FRY: variants seen among roughly 807,000 people sequenced by gnomAD.
FRY encodes the protein FRY microtubule binding protein.
Under a neutral mutation model 348.4 loss-of-function variants are expected in FRY, and 128 were observed. The observed-to-expected ratio is 0.37, with a 90% CI of 0.32 to 0.43. The LOEUF (loss-of-function observed/expected upper bound fraction) is 0.43, where lower values mean the gene tolerates loss of function less well. FRY is among the 20% of genes least tolerant of loss of function. FRY has a pLI of 1.00. For missense variants in FRY, 2,736 were observed against 3,695.2 expected (o/e 0.74, Z 6.73); for synonymous variants, 1,370 against 1,374.7 (o/e 1.00, Z 0.08).
rs909376414 is a variant in FRY, at chr13:32,244,043, T to G, written c.6689T>G (p.Leu2230Arg). 1 of 1,613,900 alleles carries G rather than the reference T, an allele frequency of 6.2e-7. No individual in the cohort carries two copies. Among genetic ancestry groups the G allele is most frequent in the East Asian group, 2.2e-5 (1 of 44,882 alleles). ...TCCAGCCGCACTTTGCCCCCACAGC[T>G]GCTGGAGAAGGGCCTCCCTAGTGTG... ...TLNMVTYLAE[L>R]LEKGLPSVQQ... The change falls in exon 47 of 61, where the codon CTG (leucine) becomes CGG (arginine). Residue 2230 changes from leucine (L) to arginine (R), a missense_variant and splice_region_variant. Leu to Arg is a moderately radical substitution (Grantham distance 102). This residue lies in a region of FRY where 789 missense variants were observed against 996.2 expected (regional missense o/e 0.79). Transcript: ENST00000542859.
chr13:32,070,720 A>G (rs1445860042), intron 1 of FRY, among the ~76,000 whole-genome samples: 6 of 151,958 alleles, frequency 3.9e-5, no homozygotes, highest in Non-Finnish European at 7.4e-5. Context: ...GTTTAATTAG[A>G]TCCCATTTGT....
intron 57 of FRY, 60 bp downstream of exon 57, chr13:32,276,622 CTG>C: frequency 1.2e-6 from 1 of 869,056 alleles, no homozygotes. Context: ...CCCAACCACT[CTG>C]AGTTCTTGGG....
chr13:32,074,520 A>T (rs1874894009), intron 1 of FRY, among the ~76,000 whole-genome samples: 1 of 152,178 alleles, frequency 6.6e-6, no homozygotes, highest in African/African-American at 2.4e-5. Flanking sequence ...CTGTTATATG[A>T]CGATAGAAAG....
intron 35 of FRY, among the ~76,000 whole-genome samples, chr13:32,212,857 C>T (rs1009631985): frequency 1.1e-4 from 16 of 152,218 alleles, no homozygotes; most frequent in African/African-American, 3.1e-4. Flanking sequence ...AAAAAGTCTC[C>T]GTTCCCTCCA....
chr13:32,282,225 G>A (rs559363260), intron 58 of FRY, among the ~76,000 whole-genome samples: 79 of 152,276 alleles, frequency 5.2e-4, no homozygotes, highest in African/African-American at 1.8e-3. Context: ...ACCTCTAAGT[G>A]ATTCTCTCCA....
At chr13:32,270,349 A>G (rs1888144158) in intron 55 of FRY, among the ~76,000 whole-genome samples, 1 of 151,992 alleles carries the variant, frequency 6.6e-6, no homozygotes, top group Non-Finnish European at 1.5e-5. Context: ...CTGGGATTAT[A>G]GGCATGCACC....
At position 32,225,046 on chromosome 13, in the gene FRY, G is replaced by T. The variant is rs776967789; in HGVS notation, c.5020+10G>T. The T allele has an allele frequency of 4.1e-6, 6 of 1,447,144 alleles. No homozygotes were observed. Among genetic ancestry groups the T allele is most frequent in the Non-Finnish European group, 5.8e-6 (6 of 1,027,446 alleles). The allele number at this position is 1,447,144 out of a possible 1,614,324, so 89.6% of individuals were successfully genotyped here. A position where few individuals can be genotyped will look rare whatever the true frequency, so the allele number is the denominator to read the frequency against. On this transcript the variant is annotated intron_variant, in intron 38 of 60. Coordinates refer to ENST00000542859, the MANE Select transcript of FRY (RefSeq NM_023037.3). Reference sequence around the variant, plus strand: ...CATGCTGTCTTCTTAGGTAAGACTGGATCTAAAAGGCATTCTAGCCAATCG... The same window carrying T: ...CATGCTGTCTTCTTAGGTAAGACTGTATCTAAAAGGCATTCTAGCCAATCG...
At chr13:32,165,836 A>T (rs1881703053) in intron 17 of FRY, among the ~76,000 whole-genome samples, 2 of 152,196 alleles carry the variant, frequency 1.3e-5, no homozygotes, top group African/African-American at 2.4e-5. Flanking sequence ...CATATTTCTG[A>T]TCTGACCAAC....
chr13:32,041,035 G>A (rs1231205207), intron 1 of FRY, among the ~76,000 whole-genome samples: 2 of 152,180 alleles, frequency 1.3e-5, no homozygotes, highest in East Asian at 3.8e-4. Flanking sequence ...GTTGCTCTAG[G>A]TGAACAGATT....
At chr13:32,207,179 A>G (rs1356854910) in intron 31 of FRY, among the ~76,000 whole-genome samples, 2 of 152,174 alleles carry the variant, frequency 1.3e-5, no homozygotes, top group Non-Finnish European at 2.9e-5. Flanking sequence ...AAAAGTCCAT[A>G]GATTTTTATA....
In FRY at chr13:32,298,263, G is replaced by C. The variant is rs889892704; in HGVS notation, c.*2803G>C. 2 of 152,144 alleles carry C rather than the reference G, an allele frequency of 1.3e-5. No homozygotes were observed. 9.4% of individuals were successfully genotyped at this position (152,144 alleles called of 1,614,324 possible). ...CTGGAAAGAATAAGCGTACCTCCAG[G>C]CTGCTTACATCAATAGCTTACACGT... On this transcript the variant is annotated 3_prime_UTR_variant, in exon 61 of 61. Coordinates refer to ENST00000542859, the MANE Select transcript of FRY (RefSeq NM_023037.3).
chr13:32,051,300 T>C (rs1329003416), intron 1 of FRY, among the ~76,000 whole-genome samples: 2 of 152,088 alleles, frequency 1.3e-5, no homozygotes, highest in South Asian at 4.2e-4. Flanking sequence ...GGAAAAGACA[T>C]GTCAAGCAAA....
intron 13 of FRY, among the ~76,000 whole-genome samples, chr13:32,148,461 C>A (rs1400819807): frequency 1.3e-5 from 2 of 152,190 alleles, no homozygotes; most frequent in Non-Finnish European, 2.9e-5. Flanking sequence ...ATATTAATGA[C>A]TTAAAAACAG....
At chr13:32,067,702 T>A (rs1874351054) in intron 1 of FRY, among the ~76,000 whole-genome samples, 2 of 152,206 alleles carry the variant, frequency 1.3e-5, no homozygotes, top group Admixed American at 1.3e-4. Flanking sequence ...CTAGCCTCTT[T>A]AAGAATAACA....
In FRY at chr13:32,225,973, A is replaced by C; in HGVS notation, c.5205A>C (p.Thr1735=). 1 of 1,613,358 alleles carries C rather than the reference A, an allele frequency of 6.2e-7. No individual in the cohort carries two copies. The highest frequency in any genetic ancestry group is 8.5e-7 in the Non-Finnish European group (1 of 1,179,310). The change falls in exon 39 of 61, where the codon ACA becomes ACC. Residue 1735 remains threonine, a splice_region_variant and synonymous_variant. Transcript: ENST00000542859. ...CCTACCAACCTGAATATCTCTATACAGGTAACAGAGAAGGACTGGTAGAGA... is the reference window on the plus strand; with the variant it reads ...CCTACCAACCTGAATATCTCTATACCGGTAACAGAGAAGGACTGGTAGAGA... ...QPAYQPEYLY[T]GGFDFLREDQ...
intron 2 of FRY, among the ~76,000 whole-genome samples, chr13:32,092,606 A>G (rs1593603205): frequency 1.3e-5 from 2 of 152,186 alleles, no homozygotes; most frequent in African/African-American, 2.4e-5. Flanking sequence ...CTGTATTCCT[A>G]TGGAAATACT....
intron 26 of FRY, 36 bp from the exon 27 acceptor site, chr13:32,186,224 C>T: frequency 6.7e-7 from 1 of 1,503,098 alleles, no homozygotes; most frequent in Non-Finnish European, 9.3e-7. Flanking sequence ...ACAGTATGTC[C>T]AGTCTTATAA....
intron 4 of FRY, among the ~76,000 whole-genome samples, chr13:32,119,261 G>A (rs1386822169): frequency 6.6e-6 from 1 of 152,104 alleles, no homozygotes; most frequent in East Asian, 1.9e-4. Flanking sequence ...AAAAAGGTTG[G>A]GGGGACTTTA....
At chr13:32,203,968 C>T (rs1884200999) in intron 31 of FRY, among the ~76,000 whole-genome samples, 1 of 152,236 alleles carries the variant, frequency 6.6e-6, no homozygotes, top group African/African-American at 2.4e-5. Context: ...ACTCAAACTT[C>T]TCTGCCCAGT....
Sources: gnomAD v4.1 joint callset for allele counts (sites outside exome capture counted in the v4.1 genomes callset) on GRCh38, gnomAD v4.1.1 for gene constraint, gnomAD v4.1.1 regional missense constraint, MANE v1.5 for transcripts, NCBI Gene and HGNC (gene_info 2026-07-23, HGNC 2026-07-21) for gene names.